Variants in SORBS2 observed in about 807,000 individuals in gnomAD.
SORBS2 encodes sorbin and SH3 domain-containing protein 2.
In SORBS2, 46 loss-of-function variants were observed where a neutral mutation model predicts 97.7. The observed-to-expected ratio is 0.47, with a 90% CI of 0.37 to 0.60. The LOEUF (loss-of-function observed/expected upper bound fraction) is 0.60. Among genes scored for constraint, SORBS2 ranks in the 20% least tolerant of loss-of-function variants. The probability of loss-of-function intolerance (pLI) is 0.00; values close to 1 mark genes in which losing one functional copy is unlikely to be tolerated. For missense variants in SORBS2, 1,316 were observed against 1,282.3 expected (o/e 1.03, Z -0.40); for synonymous variants, 476 against 473.4 (o/e 1.01, Z -0.07).
At chr4:185,835,931 G>T (rs1020424732) in intron 1 of SORBS2, among the ~76,000 whole-genome samples, 2 of 151,826 alleles carry the variant, frequency 1.3e-5, no homozygotes, top group Non-Finnish European at 2.9e-5. Context: ...TGATAATCCA[G>T]CTTATTGCTG....
intron 1 of SORBS2, among the ~76,000 whole-genome samples, chr4:185,894,016 C>T (rs912022201): frequency 2.0e-5 from 3 of 152,106 alleles, no homozygotes; most frequent in Non-Finnish European, 2.9e-5. Flanking sequence ...GCAGATTTTC[C>T]CTACAGATGC....
Position 185,891,590 on chromosome 4 carries a change from C to A in SORBS2, c.-338+64606G>T, listed in dbSNP as rs1293461135. 3.9e-5 allele frequency among the ~76,000 whole-genome samples: 6 copies of A among 152,276 alleles called. No homozygotes were observed. The East Asian group carries it at 1.2e-3, about 29-fold the overall frequency. Reference sequence around the variant, plus strand: ...TTCAGGTTTTTGCACTTCTGACCACCAATGGCTCCACTCGGACCCACCAAC... The same window carrying A: ...TTCAGGTTTTTGCACTTCTGACCACAAATGGCTCCACTCGGACCCACCAAC... On this transcript the variant is annotated intron_variant, in intron 1 of 20. Transcript: ENST00000284776.
At chr4:185,778,791 T>G (rs1185649325) in intron 1 of SORBS2, among the ~76,000 whole-genome samples, 2 of 152,144 alleles carry the variant, frequency 1.3e-5, no homozygotes, top group Admixed American at 6.5e-5. Flanking sequence ...TCAAACCATA[T>G]TAGAGGGTAT....
intron 1 of SORBS2, among the ~76,000 whole-genome samples, chr4:185,802,732 G>GT (rs1394408564): frequency 6.6e-6 from 1 of 152,164 alleles, no homozygotes; most frequent in Non-Finnish European, 1.5e-5. Flanking sequence ...GGCAGATATA[G>GT]TTTTTTGGTG....
intron 2 of SORBS2, among the ~76,000 whole-genome samples, chr4:185,732,947 G>T (rs1037085401): frequency 1.3e-5 from 2 of 152,214 alleles, no homozygotes; most frequent in African/African-American, 4.8e-5. Flanking sequence ...GCAGAGATGG[G>T]TGATGCTGCC....
At chr4:185,751,162 C>T (rs1205862913) in intron 2 of SORBS2, among the ~76,000 whole-genome samples, 1 of 20,244 alleles carries the variant, frequency 4.9e-5, no homozygotes, top group Non-Finnish European at 1.2e-4. Flanking sequence ...ATGCTCTTAG[C>T]TCTAAATACT....
intron 1 of SORBS2, among the ~76,000 whole-genome samples, chr4:185,874,925 A>T (rs1011600612): frequency 2.7e-5 from 4 of 147,258 alleles, no homozygotes; most frequent in Non-Finnish European, 6.0e-5. Flanking sequence ...GTGAATATTT[A>T]TATTTTAAAA....
intron 4 of SORBS2, among the ~76,000 whole-genome samples, chr4:185,636,889 C>T (rs534781472): frequency 2.6e-5 from 4 of 152,138 alleles, no homozygotes; most frequent in Admixed American, 6.5e-5. Flanking sequence ...TTTCGTGATC[C>T]GCCTGCCTCG....
intron 1 of SORBS2, among the ~76,000 whole-genome samples, chr4:185,803,103 C>T (rs1455888003): frequency 1.3e-5 from 2 of 152,178 alleles, no homozygotes; most frequent in Admixed American, 6.5e-5. Flanking sequence ...TGGGTCCTAT[C>T]CTTACGCTCC....
chr4:185,874,858 A>AC lies in SORBS2; in HGVS notation c.-338+81337_-338+81338insG, dbSNP rs2099232466. Among the ~76,000 whole-genome samples the AC allele has an allele frequency of 6.4e-5, 6 of 93,104 alleles. No homozygotes were observed. The Admixed American group carries it at 7.2e-4, about 11-fold the overall frequency. The allele number at this position is 93,104 out of a possible 152,430, so 61.1% of individuals were successfully genotyped here. A position where few individuals can be genotyped will look rare whatever the true frequency, so the allele number is the denominator to read the frequency against. ...CTATTATTGGTTTTACCTTACCCTG[A>AC]TTTTTTTTTTTTTTGCATGCTACAG... On this transcript the variant is annotated intron_variant, in intron 1 of 20. Coordinates refer to the SORBS2 transcript ENST00000284776.
rs749631099 is a variant in SORBS2 at position 185,623,892 on chromosome 4, G to C, written c.1237C>G (p.Arg413Gly). The change falls in exon 7 of 15, where the codon CGC (arginine) becomes GGC (glycine). Residue 413 changes from arginine to glycine, a missense_variant. Physicochemically the swap from Arg to Gly is moderately radical, Grantham distance 125 (BLOSUM62 -2). Transcript: ENST00000418609. The surrounding 1 kb of genome is among the most constrained non-coding windows in gnomAD (Gnocchi z 6.4). ...ATCAGCTTTTCGAATTCGGAGATGC[G>C]TGTGGGCACCATGTCCCGGGGCACC... 6.2e-7 allele frequency: 1 copy of C among 1,614,164 alleles called. No individual in the cohort carries two copies. The highest frequency in any genetic ancestry group is 8.5e-7 in the Non-Finnish European group (1 of 1,180,044).
chr4:185,721,913 C>A (rs757500163), intron 2 of SORBS2, among the ~76,000 whole-genome samples: 1 of 152,064 alleles, frequency 6.6e-6, no homozygotes, highest in Non-Finnish European at 1.5e-5. Flanking sequence ...TGTGAGAGTG[C>A]ACATATATAC....
chr4:185,733,734 C>T (rs968214731), intron 2 of SORBS2, among the ~76,000 whole-genome samples: 1 of 152,182 alleles, frequency 6.6e-6, no homozygotes, highest in Non-Finnish European at 1.5e-5. Flanking sequence ...TGCTATTCCA[C>T]TCTGAAATAA....
chr4:185,800,073 A>G (rs1193269814), intron 1 of SORBS2, among the ~76,000 whole-genome samples: 1 of 152,166 alleles, frequency 6.6e-6, no homozygotes, highest in Non-Finnish European at 1.5e-5. Context: ...GCACGCCTGT[A>G]ATCCTAGCTG....
chr4:185,718,955 A>G (rs2098488300), intron 2 of SORBS2, among the ~76,000 whole-genome samples: 1 of 152,240 alleles, frequency 6.6e-6, no homozygotes, highest in Non-Finnish European at 1.5e-5. Context: ...CAGAGTTATA[A>G]ATTAGAAACA....
intron 3 of SORBS2, among the ~76,000 whole-genome samples, chr4:185,647,522 T>C (rs1296279235): frequency 6.7e-6 from 1 of 149,466 alleles, no homozygotes. Flanking sequence ...GCTCAAGCCA[T>C]CCTCTCTCCT....
chr4:185,888,880 A>G (rs1379044628), intron 1 of SORBS2, among the ~76,000 whole-genome samples: 1 of 152,254 alleles, frequency 6.6e-6, no homozygotes, highest in African/African-American at 2.4e-5. Flanking sequence ...TGCATGAGAT[A>G]AACTGAAAAT....
intron 1 of SORBS2, among the ~76,000 whole-genome samples, chr4:185,653,599 C>A (rs905494611): frequency 1.3e-5 from 2 of 152,054 alleles, no homozygotes; most frequent in African/African-American, 4.8e-5. Flanking sequence ...TTATGGAAAT[C>A]GAATGAGACA....
intron 1 of SORBS2, among the ~76,000 whole-genome samples, chr4:185,901,192 T>C (rs1289000129): frequency 1.3e-5 from 2 of 151,908 alleles, no homozygotes; most frequent in African/African-American, 4.8e-5. Context: ...TTACCCAAAA[T>C]GTTGAAGAAG....
Sources: gnomAD v4.1 joint callset for allele counts (sites outside exome capture counted in the v4.1 genomes callset) on GRCh38, gnomAD v4.1.1 for gene constraint, Gnocchi (gnomAD v3.1) non-coding constraint, MANE v1.5 for transcripts, NCBI Gene and HGNC (gene_info 2026-07-23, HGNC 2026-07-21) for gene names.